SEMA3A: variants seen among roughly 807,000 people sequenced by gnomAD.
SEMA3A encodes the protein semaphorin-3A.
In SEMA3A, 29 loss-of-function variants were observed where a neutral mutation model predicts 97.9. The observed-to-expected ratio is 0.30, with a 90% CI of 0.22 to 0.40. SEMA3A has a LOEUF of 0.40. Ranked by LOEUF, SEMA3A falls within the 10% of genes least tolerant of loss-of-function variation. The pLI is 1.00. For synonymous variants in SEMA3A, 321 were observed against 323.7 expected, an observed-to-expected ratio of 0.99 and a Z score of 0.09; for missense variants, 763 against 951.3, an observed-to-expected ratio of 0.80 and a Z score of 2.60.
At chr7:84,315,174 T>C (rs1801465130) in intron 2 of SEMA3A, among the ~76,000 whole-genome samples, 1 of 152,086 alleles carries the variant, frequency 6.6e-6, no homozygotes, top group African/African-American at 2.4e-5. Flanking sequence ...AGATTATAAA[T>C]GTAATCAGTA....
chr7:84,474,473 GA>G (rs1260245919), intron 1 of SEMA3A, among the ~76,000 whole-genome samples: 7 of 151,986 alleles, frequency 4.6e-5, no homozygotes, highest in African/African-American at 1.7e-4. Context: ...AGTAACATTT[GA>G]AATCATTTTG....
At chr7:84,274,186 G>T (rs1800231165) in intron 3 of SEMA3A, among the ~76,000 whole-genome samples, 1 of 151,824 alleles carries the variant, frequency 6.6e-6, no homozygotes, top group Non-Finnish European at 1.5e-5. Flanking sequence ...CATGTAACTT[G>T]TCCCAGGTGA....
At chr7:84,104,003 G>A (rs1438128692) in intron 4 of SEMA3A, among the ~76,000 whole-genome samples, 2 of 152,054 alleles carry the variant, frequency 1.3e-5, no homozygotes, top group African/African-American at 2.4e-5. Context: ...AGAGTAAGTA[G>A]GAGATAAATA....
chr7:83,974,751 G>A (rs1789069754), intron 15 of SEMA3A, among the ~76,000 whole-genome samples: 1 of 152,032 alleles, frequency 6.6e-6, no homozygotes, highest in Non-Finnish European at 1.5e-5. Context: ...AATTTATGGT[G>A]TATATGGTTT....
At chr7:84,056,037 C>G (rs1399449694) in intron 5 of SEMA3A, among the ~76,000 whole-genome samples, 1 of 152,130 alleles carries the variant, frequency 6.6e-6, no homozygotes, top group African/African-American at 2.4e-5. Context: ...CAAAAAAATA[C>G]CACATGGGCA....
intron 3 of SEMA3A, among the ~76,000 whole-genome samples, chr7:84,232,360 G>A (rs979052821): frequency 6.7e-6 from 1 of 150,278 alleles, no homozygotes; most frequent in Non-Finnish European, 1.5e-5. Context: ...TTTCCAAACA[G>A]AAATTGACAG....
intron 4 of SEMA3A, among the ~76,000 whole-genome samples, chr7:84,072,641 T>C (rs1197607902): frequency 6.6e-6 from 1 of 152,172 alleles, no homozygotes; most frequent in East Asian, 1.9e-4. Flanking sequence ...ATTAAGCTGT[T>C]ACTATGTAAG....
At chr7:84,442,870 C>A (rs1805306177) in intron 1 of SEMA3A, among the ~76,000 whole-genome samples, 1 of 151,866 alleles carries the variant, frequency 6.6e-6, no homozygotes, top group Admixed American at 6.5e-5. Context: ...GCTCACAAGA[C>A]ATAATGAAGA....
chr7:84,447,464 C>CTT (rs1805446542), intron 1 of SEMA3A, among the ~76,000 whole-genome samples: 1 of 152,130 alleles, frequency 6.6e-6, no homozygotes, highest in African/African-American at 2.4e-5. Context: ...TGCCCATGGC[C>CTT]GCCCATGGAC....
At chr7:84,231,173 A>G (rs1485240680) in intron 3 of SEMA3A, among the ~76,000 whole-genome samples, 1 of 152,024 alleles carries the variant, frequency 6.6e-6, no homozygotes, top group Non-Finnish European at 1.5e-5. Context: ...ATATCTCACT[A>G]TACTGAAATG....
chr7:84,116,886 T>C (rs1419505719), intron 3 of SEMA3A, among the ~76,000 whole-genome samples: 1 of 152,170 alleles, frequency 6.6e-6, no homozygotes, highest in Non-Finnish European at 1.5e-5. Context: ...GTAGCCCTAA[T>C]GGAGTAATAC....
At chr7:84,178,686 ATTAT>A (rs1227037571) in intron 1 of SEMA3A, among the ~76,000 whole-genome samples, 7 of 152,066 alleles carry the variant, frequency 4.6e-5, no homozygotes, top group African/African-American at 1.7e-4. Context: ...AATTTTATAA[ATTAT>A]TTAATTATGT....
chr7:84,272,400 T>C (rs943091298), intron 3 of SEMA3A, among the ~76,000 whole-genome samples: 1 of 152,058 alleles, frequency 6.6e-6, no homozygotes, highest in African/African-American at 2.4e-5. Flanking sequence ...TAATGGACTA[T>C]TCATATCCAT....
chr7:84,314,658 T>C (rs1371308638), intron 2 of SEMA3A, among the ~76,000 whole-genome samples: 1 of 152,186 alleles, frequency 6.6e-6, no homozygotes, highest in Admixed American at 6.5e-5. Context: ...GTACGACTTA[T>C]TCTAGACTCA....
chr7:83,969,053 C>A (rs1035953904), intron 15 of SEMA3A, among the ~76,000 whole-genome samples: 1 of 151,978 alleles, frequency 6.6e-6, no homozygotes, highest in Non-Finnish European at 1.5e-5. Context: ...TCAGGTGATC[C>A]GCCTGCCTCA....
chr7:84,245,941 C>G (rs1799466387), intron 3 of SEMA3A, among the ~76,000 whole-genome samples: 1 of 152,212 alleles, frequency 6.6e-6, no homozygotes, highest in Admixed American at 6.5e-5. Flanking sequence ...AAGTCAGCTA[C>G]AGCTGTGCCC....
intron 1 of SEMA3A, among the ~76,000 whole-genome samples, chr7:84,151,795 A>C (rs1796680388): frequency 6.6e-6 from 1 of 152,168 alleles, no homozygotes; most frequent in South Asian, 2.1e-4. Context: ...CAACCTACTC[A>C]TCTGACAAAG....
At chr7:84,319,815 A>G (rs1801602934) in intron 2 of SEMA3A, among the ~76,000 whole-genome samples, 1 of 152,202 alleles carries the variant, frequency 6.6e-6, no homozygotes, top group East Asian at 1.9e-4. Flanking sequence ...ATTTAAATGA[A>G]AAGCACATGT....
chr7:84,092,305 T>C (rs1056900756), intron 4 of SEMA3A, among the ~76,000 whole-genome samples: 47 of 152,268 alleles, frequency 3.1e-4, no homozygotes, highest in Non-Finnish European at 4.9e-4. Context: ...GAGCATAGTT[T>C]TCTTGTAGTG....
Sources: allele counts gnomAD v4.1 joint callset (sites outside exome capture counted in the v4.1 genomes callset), GRCh38; gene constraint gnomAD v4.1.1; transcripts MANE v1.5; gene names NCBI Gene and HGNC (gene_info 2026-07-23, HGNC 2026-07-21).